The following GNG7 variants were observed in gnomAD, a reference collection of about 807,000 sequenced individuals.
GNG7 encodes guanine nucleotide-binding protein G(I)/G(S)/G(O) subunit gamma-7.
Under a neutral mutation model 4.0 loss-of-function variants are expected in GNG7, and 1 was observed. The observed-to-expected ratio is 0.25, with a 90% CI of 0.09 to 1.18. The LOEUF is 1.18. Among genes scored for constraint, GNG7 ranks in the 50% most tolerant of loss-of-function variants. GNG7 has a pLI of 0.50. For synonymous variants in GNG7, 34 were observed against 36.9 expected, an observed-to-expected ratio of 0.92 and a Z score of 0.29; for missense variants, 86 against 91.9, an observed-to-expected ratio of 0.94 and a Z score of 0.26.
chr19:2,642,694 C>T, intron 2 of GNG7: 1 of 427,546 alleles, frequency 2.3e-6, no homozygotes, highest in South Asian at 1.7e-5. Context: ...GGATATCGCT[C>T]TGTTGACCAG....
intron 2 of GNG7, among the ~76,000 whole-genome samples, chr19:2,595,596 G>A (rs113646684): frequency 0.15 from 22,849 of 151,688 alleles, 1,893 homozygotes; most frequent in Non-Finnish European, 0.19. Flanking sequence ...TTAGCCGGGC[G>A]TGGTGGCGGG....
chr19:2,599,800 G>A (rs1981145236), intron 2 of GNG7, among the ~76,000 whole-genome samples: 1 of 152,052 alleles, frequency 6.6e-6, no homozygotes, highest in African/African-American at 2.4e-5. Context: ...AGCCGGGGGT[G>A]GTGGTGCTGG....
chr19:2,607,347 A>G (rs1312345866), intron 2 of GNG7, among the ~76,000 whole-genome samples: 1 of 151,824 alleles, frequency 6.6e-6, no homozygotes, highest in Non-Finnish European at 1.5e-5. Flanking sequence ...GAGAAACCCT[A>G]ACATTTTTAG....
At chr19:2,629,325 A>G (rs1982099308) in intron 2 of GNG7, among the ~76,000 whole-genome samples, 1 of 152,164 alleles carries the variant, frequency 6.6e-6, no homozygotes, top group African/African-American at 2.4e-5. Flanking sequence ...CCTTCCAGAA[A>G]TTCTCAGGAG....
At chr19:2,700,341 C>T (rs1265005864) in intron 1 of GNG7, among the ~76,000 whole-genome samples, 6 of 152,092 alleles carry the variant, frequency 3.9e-5, no homozygotes, top group Admixed American at 3.9e-4. Flanking sequence ...CAGGTTTTCG[C>T]TATATTGGCC....
At chr19:2,554,543 C>CTATA (rs1442355190) in intron 3 of GNG7, among the ~76,000 whole-genome samples, 104 of 136,832 alleles carry the variant, frequency 7.6e-4, no homozygotes, top group African/African-American at 2.8e-3. Flanking sequence ...AATATATATG[C>CTATA]TATATATATA....
At chr19:2,582,532 G>C (rs967813980) in intron 2 of GNG7, among the ~76,000 whole-genome samples, 1 of 151,998 alleles carries the variant, frequency 6.6e-6, no homozygotes, top group African/African-American at 2.4e-5. Flanking sequence ...GCCCAGGCTG[G>C]AGTGTAGTGG....
At chr19:2,673,464 G>A (rs965720965) in intron 1 of GNG7, among the ~76,000 whole-genome samples, 4 of 151,946 alleles carry the variant, frequency 2.6e-5, no homozygotes, top group Admixed American at 6.6e-5. Flanking sequence ...AGGCCGAGGC[G>A]GGCGGCTCAC....
At chr19:2,581,333 G>A (rs1980499257) in intron 2 of GNG7, among the ~76,000 whole-genome samples, 1 of 138,538 alleles carries the variant, frequency 7.2e-6, no homozygotes, top group Admixed American at 7.1e-5. Context: ...ATGGGGGTGG[G>A]GGGGTGGGGG....
intron 2 of GNG7, among the ~76,000 whole-genome samples, chr19:2,622,300 C>T (rs1483053453): frequency 6.6e-6 from 1 of 152,186 alleles, no homozygotes; most frequent in Non-Finnish European, 1.5e-5. Context: ...AGGATGGTCT[C>T]GATCTCCTGA....
At chr19:2,568,244 CAT>C (rs960486555) in intron 2 of GNG7, among the ~76,000 whole-genome samples, 13 of 151,610 alleles carry the variant, frequency 8.6e-5, no homozygotes, top group African/African-American at 1.9e-4. Context: ...CACATACACA[CAT>C]ATAGACATAC....
At chr19:2,603,160 G>A (rs1027436391) in intron 2 of GNG7, among the ~76,000 whole-genome samples, 4 of 151,898 alleles carry the variant, frequency 2.6e-5, no homozygotes, top group Admixed American at 6.6e-5. Flanking sequence ...TCCGCCTCCC[G>A]GGTTCAAGCG....
intron 1 of GNG7, among the ~76,000 whole-genome samples, chr19:2,659,193 T>G (rs1052314286): frequency 2.0e-5 from 3 of 151,518 alleles, no homozygotes; most frequent in African/African-American, 7.3e-5. Context: ...ATGGTCTCAA[T>G]CTCCTGACCT....
intron 1 of GNG7, among the ~76,000 whole-genome samples, chr19:2,674,002 G>A (rs565678805): frequency 2.0e-5 from 3 of 152,226 alleles, no homozygotes; most frequent in East Asian, 1.9e-4. Flanking sequence ...CGTGGCTCAC[G>A]CCTGTAATCC....
intron 4 of GNG7, among the ~76,000 whole-genome samples, chr19:2,517,640 C>T (rs1476704269): frequency 6.6e-6 from 1 of 152,148 alleles, no homozygotes; most frequent in Non-Finnish European, 1.5e-5. Flanking sequence ...GCTGGGATTA[C>T]AGGCATGAGC....
At chr19:2,665,303 C>T (rs1463980075) in intron 1 of GNG7, among the ~76,000 whole-genome samples, 4 of 150,952 alleles carry the variant, frequency 2.6e-5, no homozygotes, top group Admixed American at 6.6e-5. Context: ...ACTGCATGCC[C>T]GGAGCACTTC....
At chr19:2,525,154 C>T (rs922419232) in intron 3 of GNG7, among the ~76,000 whole-genome samples, 1 of 152,118 alleles carries the variant, frequency 6.6e-6, no homozygotes, top group Non-Finnish European at 1.5e-5. Context: ...GCACGGGTGC[C>T]GGGCACCCCG....
At chr19:2,660,890 G>T (rs1376422528) in intron 1 of GNG7, among the ~76,000 whole-genome samples, 1 of 152,188 alleles carries the variant, frequency 6.6e-6, no homozygotes, top group African/African-American at 2.4e-5. Context: ...TGCAGGCAGT[G>T]CTGTGAAGAA....
chr19:2,533,695 T>A (rs1425341484), intron 3 of GNG7, among the ~76,000 whole-genome samples: 2 of 152,152 alleles, frequency 1.3e-5, no homozygotes, highest in Non-Finnish European at 2.9e-5. Context: ...CATTTTCAGA[T>A]AAACAAAACC....
Sources: allele counts gnomAD v4.1 joint callset (sites outside exome capture counted in the v4.1 genomes callset), GRCh38; gene constraint gnomAD v4.1.1; transcripts MANE v1.5; gene names NCBI Gene and HGNC (gene_info 2026-07-23, HGNC 2026-07-21).